The following XKR4 variants were observed in gnomAD, a reference collection of about 807,000 sequenced individuals.
The protein encoded by XKR4 is XK-related protein 4.
In XKR4, 12 loss-of-function variants were observed where a neutral mutation model predicts 53.9. The observed-to-expected ratio is 0.22, with a 90% CI of 0.14 to 0.36. The LOEUF (loss-of-function observed/expected upper bound fraction) is 0.36. XKR4 is among the 10% of genes least tolerant of loss of function. The pLI is 1.00. For missense variants in XKR4, 799 were observed against 859.5 expected (o/e 0.93, Z 0.88); for synonymous variants, 354 against 362.4 (o/e 0.98, Z 0.26).
intron 1 of XKR4, among the ~76,000 whole-genome samples, chr8:55,218,598 C>T (rs1817836605): frequency 1.3e-5 from 2 of 152,306 alleles, no homozygotes; most frequent in African/African-American, 4.8e-5. Context: ...AAGATTTTTA[C>T]ATCTATTGTG....
intron 2 of XKR4, among the ~76,000 whole-genome samples, chr8:55,422,263 G>T (rs1185062997): frequency 6.6e-6 from 1 of 152,160 alleles, no homozygotes; most frequent in African/African-American, 2.4e-5. Context: ...AAGTTGAAAA[G>T]TACACAGCTC....
intron 1 of XKR4, among the ~76,000 whole-genome samples, chr8:55,319,401 T>C (rs1321853817): frequency 1.3e-5 from 2 of 152,230 alleles, no homozygotes; most frequent in African/African-American, 2.4e-5. Context: ...ATTCATTTCA[T>C]GTATCAAATA....
chr8:55,520,714 A>G (rs1381327646), intron 2 of XKR4, among the ~76,000 whole-genome samples: 2 of 152,234 alleles, frequency 1.3e-5, no homozygotes, highest in Non-Finnish European at 2.9e-5. Flanking sequence ...AGATATAGAG[A>G]GAGCAAAGCT....
rs139788120 is a variant in XKR4 at position 55,350,888 on chromosome 8, C to T, written c.807-6790C>T. Among the ~76,000 whole-genome samples, 117 of 151,822 alleles carry T rather than the reference C, an allele frequency of 7.7e-4. 1 individual carries two copies. Among genetic ancestry groups the T allele is most frequent in the African/African-American group, 2.4e-3 (101 of 41,414 alleles). On this transcript the variant is annotated intron_variant, in intron 1 of 2. Transcript: ENST00000327381. ...CTGAGTAGCTGGGATTACATGCGTG[C>T]GCCACCACACCTGGCTAATTTTTTA...
chr8:55,432,487 C>T (rs1184859283), intron 2 of XKR4, among the ~76,000 whole-genome samples: 1 of 152,158 alleles, frequency 6.6e-6, no homozygotes, highest in Non-Finnish European at 1.5e-5. Context: ...CGCCAGTTTG[C>T]CTTTGTCTTC....
rs10598891 is a variant in XKR4, at chr8:55,434,410, CGTGT to C, written c.1006+76562_1006+76565del. On this transcript the variant is annotated intron_variant, in intron 2 of 2. Coordinates refer to ENST00000327381, the MANE Select transcript of XKR4 (RefSeq NM_052898.2). ...TTGATTGTTCTTACTTGATACCAAT[CGTGT>C]GTGTGTGTGTGTGTGTGTGTGTGTG... Among the ~76,000 whole-genome samples the C allele has an allele frequency of 2.3e-3, 341 of 148,196 alleles. 4 individuals carry two copies. In the South Asian group the frequency reaches 0.032, roughly 14 times the overall value.
At chr8:55,407,301 G>T (rs116232484) in intron 2 of XKR4, among the ~76,000 whole-genome samples, 263 of 152,270 alleles carry the variant, frequency 1.7e-3, no homozygotes, top group African/African-American at 5.9e-3. Flanking sequence ...TGTGAAGCGG[G>T]GCTTTCGCAC....
chr8:55,495,319 G>A (rs564549435), intron 2 of XKR4, among the ~76,000 whole-genome samples: 16 of 152,196 alleles, frequency 1.1e-4, no homozygotes, highest in African/African-American at 3.9e-4. Flanking sequence ...GAGATGCCTG[G>A]GTCTGGAGCT....
chr8:55,275,434 T>G lies in XKR4; in HGVS notation c.807-82244T>G, dbSNP rs113259798. ...ATTAAATCACATGGATATCTTTGAC[T>G]CCTCCAAGATACTGTATAATAAATA... On this transcript the variant is annotated intron_variant, in intron 1 of 2. Coordinates refer to ENST00000327381, the MANE Select transcript of XKR4 (RefSeq NM_052898.2). Among the ~76,000 whole-genome samples the G allele has an allele frequency of 6.5e-3, 986 of 152,304 alleles. 15 individuals carry two copies. Among genetic ancestry groups the G allele is most frequent in the African/African-American group, 0.022 (920 of 41,570 alleles).
intron 1 of XKR4, among the ~76,000 whole-genome samples, chr8:55,288,982 A>G (rs1033523653): frequency 2.0e-5 from 3 of 152,126 alleles, no homozygotes; most frequent in African/African-American, 7.2e-5. Context: ...AGGACGTTGC[A>G]TGGATCGGCA....
At chr8:55,383,053 A>C (rs922863894) in intron 2 of XKR4, among the ~76,000 whole-genome samples, 2 of 152,152 alleles carry the variant, frequency 1.3e-5, no homozygotes, top group African/African-American at 4.8e-5. Context: ...TTTCTACTAA[A>C]AATACAAAAA....
chr8:55,239,494 T>A (rs1818178234), intron 1 of XKR4, among the ~76,000 whole-genome samples: 1 of 152,204 alleles, frequency 6.6e-6, no homozygotes, highest in Admixed American at 6.5e-5. Flanking sequence ...TAGGAACATG[T>A]CTTTGTCTGC....
intron 2 of XKR4, among the ~76,000 whole-genome samples, chr8:55,495,001 T>G (rs1462023884): frequency 6.6e-6 from 1 of 152,102 alleles, no homozygotes; most frequent in South Asian, 2.1e-4. Context: ...CCCAGGCTGT[T>G]CATGCTGAGG....
At chr8:55,449,434 T>C in intron 2 of XKR4, 1 of 723,896 alleles carries the variant, frequency 1.4e-6, no homozygotes, top group Non-Finnish European at 2.4e-6. Flanking sequence ...GCTGTAAACA[T>C]GGCCAGGGCT....
chr8:55,156,418 T>A (rs1563470485), intron 1 of XKR4, among the ~76,000 whole-genome samples: 3 of 16,314 alleles, frequency 1.8e-4, no homozygotes, highest in East Asian at 1.9e-3. Flanking sequence ...GATGGCGAGG[T>A]GGGGGTGGGG....
chr8:55,351,065 C>T (rs898383217), intron 1 of XKR4, among the ~76,000 whole-genome samples: 14 of 152,136 alleles, frequency 9.2e-5, no homozygotes, highest in South Asian at 2.1e-4. Context: ...CTAAGGTGAA[C>T]GGACTTCTGA....
intron 1 of XKR4, among the ~76,000 whole-genome samples, chr8:55,321,432 AC>A (rs1374111060): frequency 4.6e-5 from 7 of 151,948 alleles, no homozygotes; most frequent in Admixed American, 4.6e-4. Flanking sequence ...CCCATGAACT[AC>A]TTCATCAAAA....
chr8:55,334,779 G>A (rs936390089), intron 1 of XKR4, among the ~76,000 whole-genome samples: 4 of 152,176 alleles, frequency 2.6e-5, no homozygotes, highest in Non-Finnish European at 5.9e-5. Flanking sequence ...TCCACAGGAG[G>A]AAGTCACACT....
chr8:55,286,726 A>G (rs2129374666), intron 1 of XKR4, among the ~76,000 whole-genome samples: 1 of 152,248 alleles, frequency 6.6e-6, no homozygotes, highest in East Asian at 1.9e-4. Flanking sequence ...TCCTCTTTTT[A>G]TGGGATCTCA....
Sources: allele counts gnomAD v4.1 joint callset (sites outside exome capture counted in the v4.1 genomes callset), GRCh38; gene constraint gnomAD v4.1.1; transcripts MANE v1.5; gene names NCBI Gene and HGNC (gene_info 2026-07-23, HGNC 2026-07-21).